Variants in MCRIP2 observed in about 807,000 individuals in gnomAD.
MCRIP2 encodes MAPK regulated corepressor interacting protein 2.
MCRIP2 carries 21 observed loss-of-function variants against 23.2 expected under a neutral mutation model. The observed-to-expected ratio is 0.90, with a 90% confidence interval of 0.64 to 1.30. MCRIP2 has a LOEUF of 1.30. MCRIP2 is among the 50% of genes most tolerant of loss of function. The pLI, the probability that MCRIP2 is intolerant of heterozygous loss-of-function variation, is 0.00. For synonymous variants in MCRIP2, 121 were observed against 100.2 expected, an observed-to-expected ratio of 1.21 and a Z score of -1.24; for missense variants, 234 against 223.2, an observed-to-expected ratio of 1.05 and a Z score of -0.31.
intron 4 of MCRIP2, 102 bp from the exon 5 acceptor site, chr16:648,018 G>A: frequency 1.6e-6 from 2 of 1,284,912 alleles, no homozygotes; most frequent in Non-Finnish European, 2.2e-6. Context: ...CCCAGCGCCT[G>A]CCGCACTCGG....
rs929892088 is a variant in MCRIP2, at chr16:641,977, T to G, written c.-15T>G. ...ATCTGGCCGGGGGCCGGCGGCGGTG[T>G]GGGAGCGGCGCGTCATGTACACCAT... On this transcript the variant is annotated 5_prime_UTR_variant, in exon 1 of 5. Transcript: ENST00000307650. The G allele has an allele frequency of 6.1e-6, 8 of 1,313,408 alleles. No homozygotes were observed. The African/African-American group carries it at 1.2e-4, about 20-fold the overall frequency. The allele number at this position is 1,313,408 out of a possible 1,614,324, so 81.4% of individuals were successfully genotyped here. A position where few individuals can be genotyped will look rare whatever the true frequency, so the allele number is the denominator to read the frequency against.
rs760539722 is a variant in MCRIP2 at position 647,550 on chromosome 16, G to A, written c.310+6G>A. On this transcript the variant is annotated splice_donor_region_variant and intron_variant, in intron 3 of 4. Coordinates refer to ENST00000307650, the MANE Select transcript of MCRIP2 (RefSeq NM_138418.4). ...TGTCCGCTTTGTGTCCGAAGGTAGCGAGCGGGGCCAGAGGGTGCGGCATAG... is the reference window on the plus strand; with the variant it reads ...TGTCCGCTTTGTGTCCGAAGGTAGCAAGCGGGGCCAGAGGGTGCGGCATAG... The A allele has an allele frequency of 1.7e-5, 27 of 1,612,968 alleles. No homozygotes were observed. The highest frequency in any genetic ancestry group is 1.4e-5 in the Non-Finnish European group (17 of 1,179,762).
At chr16:643,756 TCTC>T (rs1312025512) in intron 2 of MCRIP2, among the ~76,000 whole-genome samples, 1 of 152,042 alleles carries the variant, frequency 6.6e-6, no homozygotes, top group African/African-American at 2.4e-5. Context: ...ATGGGCTCGA[TCTC>T]CTGACCTCAT....
rs936667832 is a variant in MCRIP2 at position 648,423 on chromosome 16, C to T, written c.*233C>T. The stretch of plus-strand genomic sequence containing the variant: ...ACTGTGCCCAGGGACCAGCGACCAG[C>T]CCCTGGGGCTGGCAGGGAGGAGCTC... On this transcript the variant is annotated 3_prime_UTR_variant, in exon 5 of 5. Transcript: ENST00000307650. 21 of 561,100 alleles carry T rather than the reference C, an allele frequency of 3.7e-5. No individual in the cohort carries two copies. In the South Asian group the frequency reaches 3.9e-4, roughly 10 times the overall value. 34.8% of individuals were successfully genotyped at this position (561,100 alleles called of 1,614,324 possible).
chr16:647,140 T>G, intron 2 of MCRIP2: 2 of 482,694 alleles, frequency 4.1e-6, no homozygotes, highest in Non-Finnish European at 7.4e-6. Flanking sequence ...CGACCAAAGG[T>G]TTGGGACACT....
At position 646,274 on chromosome 16, in the gene MCRIP2, C is replaced by A. The variant is rs1336667015; in HGVS notation, c.183-1143C>A. On this transcript the variant is annotated intron_variant, in intron 2 of 4. Coordinates refer to ENST00000307650, the MANE Select transcript of MCRIP2 (RefSeq NM_138418.4). The surrounding 1 kb of genome is among the most constrained non-coding windows in gnomAD (Gnocchi z 6.5). The stretch of plus-strand genomic sequence containing the variant: ...TTCCGAGGTGGGAGTGGGTTGCAGG[C>A]AAGGGGGCTTTCCAAGTGGACAAAC... 2.0e-5 allele frequency: 3 copies of A among 152,176 alleles called. No homozygotes were observed. The highest frequency in any genetic ancestry group is 4.4e-5 in the Non-Finnish European group (3 of 68,032). The allele number at this position is 152,176 out of a possible 1,614,324, so 9.4% of individuals were successfully genotyped here.
At position 646,045 on chromosome 16, in the gene MCRIP2, A is replaced by G. The variant is rs531782797; in HGVS notation, c.183-1372A>G. 1 of 152,332 alleles carries G rather than the reference A, an allele frequency of 6.6e-6. No individual in the cohort carries two copies. Among genetic ancestry groups the G allele is most frequent in the South Asian group, 2.1e-4 (1 of 4,826 alleles). 9.4% of individuals were successfully genotyped at this position (152,332 alleles called of 1,614,324 possible). On this transcript the variant is annotated intron_variant, in intron 2 of 4. Transcript: ENST00000307650. This position sits in a 1 kb window ranked among gnomAD's most constrained non-coding sequence, Gnocchi z 6.5. ...AAGTGGGAGAGGTTGGCGGTGATCC[A>G]TAGGTGCTCGCCGGGCCGGTGCCCT...
rs770996271 is a variant in MCRIP2, at chr16:648,145, G to C, written c.438G>C (p.Glu146Asp). The C allele has an allele frequency of 2.5e-6, 4 of 1,611,058 alleles. No individual in the cohort carries two copies. Among genetic ancestry groups the C allele is most frequent in the Admixed American group, 1.7e-5 (1 of 59,828 alleles). The change falls in exon 5 of 5, where the codon GAG (glutamate) becomes GAC (aspartate). Residue 146 changes from glutamate to aspartate, a missense_variant. Transcript: ENST00000307650. ...LQNFVPIDLD[E>D]WWAQQFLARI... is the part of the protein sequence containing the mutation. Reference sequence around the variant, plus strand: ...ACTTTGTGCCCATTGACCTAGACGAGTGGTGGGCGCAGCAGTTCCTGGCGA... The same window carrying C: ...ACTTTGTGCCCATTGACCTAGACGACTGGTGGGCGCAGCAGTTCCTGGCGA...
Position 642,126 on chromosome 16 carries a change from C to A in MCRIP2, c.59C>A (p.Thr20Lys). The A allele has an allele frequency of 7.3e-7, 1 of 1,367,562 alleles. No individual in the cohort carries two copies. Among genetic ancestry groups the A allele is most frequent in the South Asian group, 1.6e-5 (1 of 61,798 alleles). 84.7% of individuals were successfully genotyped at this position (1,367,562 alleles called of 1,614,324 possible). A position where few individuals can be genotyped will look rare whatever the true frequency, so the allele number is the denominator to read the frequency against. The change falls in exon 2 of 5, where the codon ACG becomes AAG. Residue 20 changes from threonine to lysine, a missense_variant. By Grantham distance (78) the Thr-to-Lys change is moderately conservative. Transcript: ENST00000307650. ...CGCCCCCCGGTGCCCGCAGGTCCCA[C>A]GCAGCAGCAGGTGGAGGGCCGGCTC... ...KLVAQRRTGP[T>K]QQQVEGRLGE...
chr16:644,489 G>C (rs1029132558), intron 2 of MCRIP2, among the ~76,000 whole-genome samples: 7 of 152,010 alleles, frequency 4.6e-5, no homozygotes, highest in African/African-American at 1.7e-4. Context: ...TGTCACCCAG[G>C]CCGGGGTGCA....
In MCRIP2 at chr16:648,340, C is replaced by G. The variant is rs535568994; in HGVS notation, c.*150C>G. On this transcript the variant is annotated 3_prime_UTR_variant, in exon 5 of 5. Coordinates refer to ENST00000307650, the MANE Select transcript of MCRIP2 (RefSeq NM_138418.4). ...TGCACCTTTTTTTCCCTTGGCCCGG[C>G]TGTCCCAACCAAGCTGCCATGGCCA... The G allele has an allele frequency of 5.0e-6, 4 of 803,038 alleles. No homozygotes were observed. The highest frequency in any genetic ancestry group is 8.0e-6 in the Non-Finnish European group (4 of 496,986). The allele number at this position is 803,038 out of a possible 1,614,324, so 49.7% of individuals were successfully genotyped here.
chr16:641,979 G>A lies in MCRIP2; in HGVS notation c.-13G>A, dbSNP rs1185352771. On this transcript the variant is annotated 5_prime_UTR_variant, in exon 1 of 5. Coordinates refer to ENST00000307650, the MANE Select transcript of MCRIP2 (RefSeq NM_138418.4). ...CTGGCCGGGGGCCGGCGGCGGTGTG[G>A]GAGCGGCGCGTCATGTACACCATCA... 1.5e-6 allele frequency: 2 copies of A among 1,315,710 alleles called. No homozygotes were observed. Among genetic ancestry groups the A allele is most frequent in the East Asian group, 3.2e-5 (1 of 31,324 alleles). 81.5% of individuals were successfully genotyped at this position (1,315,710 alleles called of 1,614,324 possible).
chr16:648,016 C>G, intron 4 of MCRIP2, 104 bp from the exon 5 acceptor site: 1 of 1,277,996 alleles, frequency 7.8e-7, no homozygotes. Context: ...TTCCCAGCGC[C>G]TGCCGCACTC....
chr16:647,102 C>A, intron 2 of MCRIP2: 1 of 373,092 alleles, frequency 2.7e-6, no homozygotes, highest in South Asian at 4.0e-5. Context: ...ACCTGCAAGA[C>A]CCTCGGGGAG....
chr16:647,988 T>C (rs902256855), intron 4 of MCRIP2, 104 bp downstream of exon 4: 15 of 1,184,198 alleles, frequency 1.3e-5, no homozygotes, highest in Non-Finnish European at 1.8e-5. Context: ...GAGGGGACTC[T>C]TGTGCAGAAA....
intron 2 of MCRIP2, chr16:645,878 C>T (rs1487060382): frequency 6.6e-6 from 1 of 152,254 alleles, no homozygotes; most frequent in Non-Finnish European, 1.5e-5. Flanking sequence ...CCCCACCCAG[C>T]ATGTAATATG....
rs2037490234 is a variant in MCRIP2 at position 646,662 on chromosome 16, CG to C, written c.183-753del. On this transcript the variant is annotated intron_variant, in intron 2 of 4. Coordinates refer to ENST00000307650, the MANE Select transcript of MCRIP2 (RefSeq NM_138418.4). This position sits in a 1 kb window ranked among gnomAD's most constrained non-coding sequence, Gnocchi z 6.5. ...TCCCGGGCTTTGTGTGCTCAGGGCT[CG>C]GCCAGCTGGGGCCGCTCATCCCTGC... 6.6e-6 allele frequency: 1 copy of C among 152,144 alleles called. No individual in the cohort carries two copies. The highest frequency in any genetic ancestry group is 2.4e-5 in the African/African-American group (1 of 41,430). 9.4% of individuals were successfully genotyped at this position (152,144 alleles called of 1,614,324 possible).
At position 641,838 on chromosome 16, in the gene MCRIP2, C is replaced by G; in HGVS notation, c.-154C>G. The G allele has an allele frequency of 1.6e-6, 1 of 634,478 alleles. No homozygotes were observed. The highest frequency in any genetic ancestry group is 2.2e-6 in the Non-Finnish European group (1 of 450,480). The allele number at this position is 634,478 out of a possible 1,614,324, so 39.3% of individuals were successfully genotyped here. A position where few individuals can be genotyped will look rare whatever the true frequency, so the allele number is the denominator to read the frequency against. On this transcript the variant is annotated 5_prime_UTR_variant, in exon 1 of 5. Coordinates refer to ENST00000307650, the MANE Select transcript of MCRIP2 (RefSeq NM_138418.4). ...GCAAGCGCCGCCTCCGCCGCGTGTC[C>G]GGGGTCAGCCCGAGCCCGTGCGGGC...
At chr16:648,034 G>C (rs768437684) in intron 4 of MCRIP2, 86 bp from the exon 5 acceptor site, 1 of 1,377,132 alleles carries the variant, frequency 7.3e-7, no homozygotes, top group South Asian at 1.3e-5. Context: ...CTCGGAGTCC[G>C]GGTGAGCGGC....
Sources: allele counts gnomAD v4.1 joint callset (sites outside exome capture counted in the v4.1 genomes callset), GRCh38; gene constraint gnomAD v4.1.1; non-coding constraint Gnocchi (gnomAD v3.1); transcripts MANE v1.5; gene names NCBI Gene and HGNC (gene_info 2026-07-23, HGNC 2026-07-21).